Variants in OSBP2 observed in about 807,000 individuals in gnomAD.
OSBP2 encodes oxysterol-binding protein 2.
In OSBP2, 66 loss-of-function variants were observed where a neutral mutation model predicts 96.0. The observed-to-expected ratio is 0.69, with a 90% CI of 0.56 to 0.84. The LOEUF (loss-of-function observed/expected upper bound fraction) is 0.84. OSBP2 is among the 40% of genes least tolerant of loss of function. The pLI, the probability that OSBP2 is intolerant of heterozygous loss-of-function variation, is 0.00. For missense variants in OSBP2, 1,038 were observed against 1,222.7 expected (o/e 0.85, Z 2.25); for synonymous variants, 525 against 520.9 (o/e 1.01, Z -0.11).
chr22:30,855,199 TC>T (rs1039118769), intron 2 of OSBP2, among the ~76,000 whole-genome samples: 3 of 152,194 alleles, frequency 2.0e-5, no homozygotes, highest in Non-Finnish European at 4.4e-5. Context: ...AATATCTTTT[TC>T]CCCTTCATTT....
Position 30,780,728 on chromosome 22 carries a change from C to T in OSBP2, c.853+39359C>T, listed in dbSNP as rs1053493849. Among the ~76,000 whole-genome samples the T allele has an allele frequency of 7.2e-5, 11 of 152,152 alleles. 1 individual carries two copies. Among genetic ancestry groups the T allele is most frequent in the South Asian group, 4.1e-4 (2 of 4,836 alleles). On this transcript the variant is annotated intron_variant, in intron 2 of 13. Transcript: ENST00000332585. ...GGCCAGGCTGGTCTCGAACTCCTGACCTCAGGTGATCCGCTCGTCTTGGCC... is the reference window on the plus strand; with the variant it reads ...GGCCAGGCTGGTCTCGAACTCCTGATCTCAGGTGATCCGCTCGTCTTGGCC...
At chr22:30,732,379 C>T (rs1330363188) in intron 1 of OSBP2, among the ~76,000 whole-genome samples, 1 of 152,144 alleles carries the variant, frequency 6.6e-6, no homozygotes, top group East Asian at 1.9e-4. Flanking sequence ...CATTCTCCTC[C>T]CATTTCCAAA....
At chr22:30,744,384 G>A (rs911397348) in intron 2 of OSBP2, among the ~76,000 whole-genome samples, 5 of 152,164 alleles carry the variant, frequency 3.3e-5, no homozygotes, top group South Asian at 2.1e-4. Context: ...GCAGGCCACT[G>A]TGGGTTATCC....
intron 2 of OSBP2, among the ~76,000 whole-genome samples, chr22:30,860,230 C>G (rs1022439557): frequency 1.3e-5 from 2 of 152,172 alleles, no homozygotes; most frequent in African/African-American, 4.8e-5. Flanking sequence ...GATGCTTGAG[C>G]CTTCAGGCAG....
At chr22:30,822,690 C>T in intron 2 of OSBP2, 1 of 1,533,742 alleles carries the variant, frequency 6.5e-7, no homozygotes, top group Non-Finnish European at 8.7e-7. Context: ...GCTCCGGCTG[C>T]CTGAATAAAT....
intron 1 of OSBP2, among the ~76,000 whole-genome samples, chr22:30,735,410 C>CTTTTTT (rs774749546): frequency 1.3e-3 from 126 of 100,584 alleles, no homozygotes; most frequent in Non-Finnish European, 1.5e-3. Context: ...TCTTCTCTCT[C>CTTTTTT]TTTTTTTTTT....
chr22:30,695,755 C>T (rs968674193), intron 1 of OSBP2, among the ~76,000 whole-genome samples: 2 of 152,166 alleles, frequency 1.3e-5, no homozygotes, highest in Non-Finnish European at 2.9e-5. Context: ...ATGTGATCTG[C>T]GGACATGACC....
At chr22:30,829,387 G>A (rs113251921) in intron 2 of OSBP2, among the ~76,000 whole-genome samples, 1 of 152,188 alleles carries the variant, frequency 6.6e-6, no homozygotes, top group Non-Finnish European at 1.5e-5. Context: ...CTGCCTCCCG[G>A]GTTCAAGCTG....
chr22:30,730,808 A>ATATTTT (rs1491303061), intron 1 of OSBP2, among the ~76,000 whole-genome samples: 1 of 39,342 alleles, frequency 2.5e-5, no homozygotes, highest in African/African-American at 1.2e-4. Context: ...ATATATATAT[A>ATATTTT]ATTTTTTTTT....
chr22:30,815,150 G>A (rs2091066842), intron 2 of OSBP2, among the ~76,000 whole-genome samples: 1 of 152,226 alleles, frequency 6.6e-6, no homozygotes, highest in Non-Finnish European at 1.5e-5. Flanking sequence ...AGGCATGGTG[G>A]CACGTACCTA....
At chr22:30,779,080 G>A (rs2090477771) in intron 2 of OSBP2, among the ~76,000 whole-genome samples, 1 of 150,578 alleles carries the variant, frequency 6.6e-6, no homozygotes, top group Non-Finnish European at 1.5e-5. Context: ...AAAGTTTTTT[G>A]GTGTATATAT....
At chr22:30,697,838 T>C (rs2145661131) in intron 1 of OSBP2, among the ~76,000 whole-genome samples, 1 of 152,314 alleles carries the variant, frequency 6.6e-6, no homozygotes, top group Middle Eastern at 3.4e-3. Context: ...GTGCCCTCAT[T>C]GCATTCCATG....
chr22:30,898,530 GGC>G (rs2147180495), intron 12 of OSBP2, among the ~76,000 whole-genome samples: 1 of 152,244 alleles, frequency 6.6e-6, no homozygotes, highest in African/African-American at 2.4e-5. Flanking sequence ...ACTCAATCAT[GGC>G]GTAAGGTGAA....
chr22:30,832,170 C>T (rs1230355311), intron 2 of OSBP2, among the ~76,000 whole-genome samples: 1 of 152,156 alleles, frequency 6.6e-6, no homozygotes, highest in African/African-American at 2.4e-5. Context: ...TCTGCCCTTG[C>T]CCCCTTCTTA....
intron 1 of OSBP2, among the ~76,000 whole-genome samples, chr22:30,696,199 G>T (rs547471182): frequency 6.6e-6 from 1 of 152,278 alleles, no homozygotes; most frequent in African/African-American, 2.4e-5. Flanking sequence ...CAAAATTAAA[G>T]TCCAGTGGTG....
At chr22:30,883,771 AGGGATACCGTCCCCCTGC>A (rs758853968) in intron 3 of OSBP2, among the ~76,000 whole-genome samples, 54,700 of 151,944 alleles carry the variant, frequency 0.36, 10,405 homozygotes, top group East Asian at 0.67. Context: ...AGGCACCCAG[AGGGATACCGTCCCCCTGC>A]CTCCGCCACC....
intron 2 of OSBP2, among the ~76,000 whole-genome samples, chr22:30,793,249 G>A (rs136293): frequency 0.19 from 28,845 of 151,912 alleles, 2,817 homozygotes; most frequent in Middle Eastern, 0.24. Context: ...AACTAGCCAG[G>A]TGTGGTGGCA....
At chr22:30,859,539 A>G (rs945292617) in intron 2 of OSBP2, among the ~76,000 whole-genome samples, 2 of 152,206 alleles carry the variant, frequency 1.3e-5, no homozygotes, top group African/African-American at 4.8e-5. Flanking sequence ...TGGTAGGGCC[A>G]GTGGTTTCAG....
chr22:30,778,169 C>CTTTTTTTTTTTTTTTTTTTTTT (rs1569119423), intron 2 of OSBP2, among the ~76,000 whole-genome samples: 3 of 124,184 alleles, frequency 2.4e-5, no homozygotes, highest in East Asian at 2.4e-4. Flanking sequence ...TAATTTTTGC[C>CTTTTTTTTTTTTTTTTTTTTTT]CTTTTTTTTT....
Sources: gnomAD v4.1 joint callset for allele counts (sites outside exome capture counted in the v4.1 genomes callset) on GRCh38, gnomAD v4.1.1 for gene constraint, MANE v1.5 for transcripts, NCBI Gene and HGNC (gene_info 2026-07-23, HGNC 2026-07-21) for gene names.